The following AFAP1 variants were observed in gnomAD, a reference collection of about 807,000 sequenced individuals.
The protein encoded by AFAP1 is actin filament-associated protein 1.
In AFAP1, 75 loss-of-function variants were observed where a neutral mutation model predicts 93.9. The ratio of observed to expected loss-of-function variants is 0.80; its 90% CI spans 0.66 to 0.97. AFAP1 has a LOEUF of 0.97. Among genes scored for constraint, AFAP1 ranks in the 50% least tolerant of loss-of-function variants. The pLI is 0.00. For missense variants in AFAP1, 1,201 were observed against 1,050.8 expected (o/e 1.14, Z -1.98); for synonymous variants, 517 against 430.7 (o/e 1.20, Z -2.48).
rs558653523 is a variant in AFAP1 at position 7,808,683 on chromosome 4, G to C, written c.1054+931C>G. ...CATGTTGAAATGTGATCCCCAGTGT[G>C]GGGGGCTGGCCTGGTGGGAGGTGCT... On this transcript the variant is annotated intron_variant, in intron 9 of 17. Transcript: ENST00000420658. Among the ~76,000 whole-genome samples, 4 of 152,296 alleles carry C rather than the reference G, an allele frequency of 2.6e-5. No homozygotes were observed. In the East Asian group the frequency reaches 7.7e-4, roughly 29 times the overall value.
Position 7,908,614 on chromosome 4 carries a change from C to A in AFAP1, c.-3+31042G>T, listed in dbSNP as rs369015257. Among the ~76,000 whole-genome samples, 19 of 152,336 alleles carry A rather than the reference C, an allele frequency of 1.2e-4. No homozygotes were observed. The East Asian group carries it at 1.3e-3, about 11-fold the overall frequency. On this transcript the variant is annotated intron_variant, in intron 1 of 17. Coordinates refer to ENST00000420658, the MANE Select transcript of AFAP1 (RefSeq NM_001134647.2). ...TCTATTAATATTTAGGAGGCACATA[C>A]TAGGTGCCTAATTCATCACTAATTG...
At chr4:7,817,917 A>G (rs73084491) in intron 7 of AFAP1, among the ~76,000 whole-genome samples, 13,650 of 152,110 alleles carry the variant, frequency 0.09, 1,214 homozygotes, top group East Asian at 0.49. Flanking sequence ...GACTTTTTTC[A>G]TCCCATTTAT....
chr4:7,833,521 G>A (rs900850745), intron 6 of AFAP1, among the ~76,000 whole-genome samples: 3 of 151,418 alleles, frequency 2.0e-5, no homozygotes, highest in Admixed American at 2.0e-4. Context: ...GGTGAACAGG[G>A]AACACTTCTA....
Position 7,772,964 on chromosome 4 carries a change from C to T in AFAP1, c.2109G>A (p.Glu703=). 1 of 1,613,126 alleles carries T rather than the reference C, an allele frequency of 6.2e-7. No homozygotes were observed. The highest frequency in any genetic ancestry group is 8.5e-7 in the Non-Finnish European group (1 of 1,180,012). ...AILEEKLKQL[E]EECRQKEAER... Reference sequence around the variant, plus strand: ...CCGCCTCCTTCTGCCGGCACTCCTCCTCCAGCTGCTTCAGCTTCTCCTCCA... The same window carrying T: ...CCGCCTCCTTCTGCCGGCACTCCTCTTCCAGCTGCTTCAGCTTCTCCTCCA... Residue 703 remains glutamate (E), a synonymous_variant, in exon 16 of 18, where the codon GAG becomes GAA. Transcript: ENST00000420658.
At chr4:7,779,437 CT>C (rs1716512352) in intron 13 of AFAP1, among the ~76,000 whole-genome samples, 1 of 152,216 alleles carries the variant, frequency 6.6e-6, no homozygotes, top group Non-Finnish European at 1.5e-5. Flanking sequence ...CTTCCACTAA[CT>C]ACAGGTTTCT....
intron 1 of AFAP1, among the ~76,000 whole-genome samples, chr4:7,903,497 G>C (rs1465260192): frequency 6.6e-6 from 1 of 152,240 alleles, no homozygotes; most frequent in East Asian, 1.9e-4. Flanking sequence ...CGACCAACAC[G>C]GGGAAACCCC....
chr4:7,798,816 T>A, intron 10 of AFAP1: 5 of 929,000 alleles, frequency 5.4e-6, no homozygotes, highest in Non-Finnish European at 6.4e-6. Flanking sequence ...AAACAGCTCC[T>A]GACTTCCACC....
intron 3 of AFAP1, among the ~76,000 whole-genome samples, chr4:7,855,862 C>G (rs1409030473): frequency 6.6e-6 from 1 of 152,178 alleles, no homozygotes; most frequent in Non-Finnish European, 1.5e-5. Context: ...ACACAGAATG[C>G]CCCTTCCCCC....
chr4:7,822,751 AT>A (rs5855983), intron 6 of AFAP1, among the ~76,000 whole-genome samples: 111 of 141,374 alleles, frequency 7.9e-4, no homozygotes, highest in Middle Eastern at 3.6e-3. Flanking sequence ...CGCCCGGCTA[AT>A]TTTTTTTTTT....
At chr4:7,900,869 G>A (rs1445808188) in intron 1 of AFAP1, among the ~76,000 whole-genome samples, 4 of 152,148 alleles carry the variant, frequency 2.6e-5, no homozygotes, top group Non-Finnish European at 5.9e-5. Context: ...TAAAGAAATA[G>A]GTCAAGAAAC....
At chr4:7,782,458 A>G (rs1262224309) in intron 12 of AFAP1, among the ~76,000 whole-genome samples, 2 of 152,276 alleles carry the variant, frequency 1.3e-5, no homozygotes, top group Non-Finnish European at 2.9e-5. Context: ...AAATCCTCAT[A>G]GAAAATTAGA....
chr4:7,932,392 T>C (rs1450678064), intron 1 of AFAP1, among the ~76,000 whole-genome samples: 1 of 152,188 alleles, frequency 6.6e-6, no homozygotes. Flanking sequence ...TGCTTCAGCC[T>C]TGAAACAATC....
intron 5 of AFAP1, among the ~76,000 whole-genome samples, chr4:7,840,303 GGGGT>G (rs1290941019): frequency 9.2e-5 from 7 of 76,478 alleles, no homozygotes; most frequent in African/African-American, 4.0e-4. Flanking sequence ...GTTTGTTTTT[GGGGT>G]GTGTGTGTGT....
intron 6 of AFAP1, among the ~76,000 whole-genome samples, chr4:7,836,297 G>C (rs915974066): frequency 1.3e-5 from 2 of 152,226 alleles, no homozygotes; most frequent in South Asian, 2.1e-4. Context: ...GACGCTAAAT[G>C]AAAGAAGCCA....
chr4:7,812,636 G>C (rs1720147233), intron 8 of AFAP1, among the ~76,000 whole-genome samples: 1 of 152,162 alleles, frequency 6.6e-6, no homozygotes, highest in South Asian at 2.1e-4. Context: ...GGGTAGAAAA[G>C]CTGGAGTATC....
At chr4:7,823,689 T>G (rs1721175575) in intron 6 of AFAP1, among the ~76,000 whole-genome samples, 1 of 152,174 alleles carries the variant, frequency 6.6e-6, no homozygotes, top group East Asian at 1.9e-4. Flanking sequence ...AACCATGTAA[T>G]CTGAATGCTT....
At chr4:7,830,441 C>T (rs559749040) in intron 6 of AFAP1, among the ~76,000 whole-genome samples, 4 of 152,174 alleles carry the variant, frequency 2.6e-5, no homozygotes, top group Non-Finnish European at 4.4e-5. Context: ...AGCAACAGCC[C>T]GTGAGCACAA....
At chr4:7,878,676 C>T (rs575627805) in intron 1 of AFAP1, among the ~76,000 whole-genome samples, 20 of 152,342 alleles carry the variant, frequency 1.3e-4, no homozygotes, top group African/African-American at 4.6e-4. Context: ...AGGCAATAGG[C>T]TAAGTGCTTT....
At chr4:7,936,961 T>C (rs1406489648) in intron 1 of AFAP1, among the ~76,000 whole-genome samples, 3 of 152,112 alleles carry the variant, frequency 2.0e-5, no homozygotes, top group Non-Finnish European at 4.4e-5. Context: ...AAAATTCCAT[T>C]TACTCCCATT....
Sources: allele counts gnomAD v4.1 joint callset (sites outside exome capture counted in the v4.1 genomes callset), GRCh38; gene constraint gnomAD v4.1.1; transcripts MANE v1.5; gene names NCBI Gene and HGNC (gene_info 2026-07-23, HGNC 2026-07-21).